The following RBMS3 variants were observed in gnomAD, a reference collection of about 807,000 sequenced individuals.
The protein encoded by RBMS3 is RNA binding motif single stranded interacting protein 3, also known as RNA-binding motif, single-stranded-interacting protein 3.
Under a neutral mutation model 66.8 loss-of-function variants are expected in RBMS3, and 27 were observed. The ratio of observed to expected loss-of-function variants is 0.40; its 90% CI spans 0.30 to 0.56. RBMS3 has a LOEUF of 0.56. Among genes scored for constraint, RBMS3 ranks in the 20% least tolerant of loss-of-function variants. The pLI is 0.40. For synonymous variants in RBMS3, 188 were observed against 183.0 expected (o/e 1.03, Z -0.22); for missense variants, 513 against 549.5 (o/e 0.93, Z 0.66).
intron 3 of RBMS3, among the ~76,000 whole-genome samples, chr3:29,525,951 T>C (rs1287077422): frequency 6.6e-6 from 1 of 152,180 alleles, no homozygotes; most frequent in East Asian, 1.9e-4. Flanking sequence ...GTTTAGCCAT[T>C]TTATCAATGA....
At chr3:29,593,744 C>T (rs1448262911) in intron 4 of RBMS3, among the ~76,000 whole-genome samples, 1 of 152,194 alleles carries the variant, frequency 6.6e-6, no homozygotes, top group Admixed American at 6.6e-5. Flanking sequence ...TTTCGCAACA[C>T]ATTTATGTTG....
intron 1 of RBMS3, among the ~76,000 whole-genome samples, chr3:29,417,464 G>T (rs1335342919): frequency 3.3e-5 from 5 of 151,816 alleles, no homozygotes; most frequent in African/African-American, 1.2e-4. Flanking sequence ...TTTACCTTCA[G>T]TTAGCTCTCC....
chr3:29,952,449 T>C (rs976288138), intron 12 of RBMS3, among the ~76,000 whole-genome samples: 56 of 151,996 alleles, frequency 3.7e-4, no homozygotes, highest in African/African-American at 1.3e-3. Context: ...CCAGTTTATA[T>C]TATGTGAGAC....
chr3:29,658,957 G>C (rs989711378), intron 4 of RBMS3, among the ~76,000 whole-genome samples: 1 of 152,086 alleles, frequency 6.6e-6, no homozygotes, highest in African/African-American at 2.4e-5. Context: ...CGAGTAGCTG[G>C]GACTACAGGC....
intron 1 of RBMS3, among the ~76,000 whole-genome samples, chr3:29,389,187 G>A (rs542907208): frequency 5.9e-5 from 9 of 151,988 alleles, no homozygotes; most frequent in Non-Finnish European, 1.3e-4. Flanking sequence ...TGATTGCCCA[G>A]GTATATCTCT....
chr3:29,578,992 G>A (rs1354340904), intron 3 of RBMS3, among the ~76,000 whole-genome samples: 11 of 139,202 alleles, frequency 7.9e-5, no homozygotes, highest in Non-Finnish European at 1.5e-4. Flanking sequence ...TAGTAGAGAC[G>A]GGGTTTCACC....
intron 4 of RBMS3, among the ~76,000 whole-genome samples, chr3:29,625,107 T>A (rs1025241668): frequency 6.6e-6 from 1 of 152,186 alleles, no homozygotes; most frequent in Admixed American, 6.5e-5. Flanking sequence ...ACATAAGACA[T>A]GCCTTGCTTC....
At chr3:29,577,703 G>C (rs1585193) in intron 3 of RBMS3, among the ~76,000 whole-genome samples, 2,672 of 152,266 alleles carry the variant, frequency 0.018, 74 homozygotes, top group African/African-American at 0.06. Context: ...GGGCAGCACT[G>C]AGTTTAATGT....
intron 2 of RBMS3, among the ~76,000 whole-genome samples, chr3:29,439,672 C>T (rs1404816314): frequency 2.0e-5 from 3 of 151,766 alleles, no homozygotes; most frequent in Non-Finnish European, 4.4e-5. Context: ...GTTAGTTACA[C>T]ATGCATACAT....
intron 8 of RBMS3, among the ~76,000 whole-genome samples, chr3:29,892,650 A>G (rs902815775): frequency 2.6e-5 from 4 of 151,370 alleles, no homozygotes; most frequent in African/African-American, 9.7e-5. Flanking sequence ...TTGTTAAGCA[A>G]CTCATTCCCA....
chr3:29,732,399 A>G (rs929363780), intron 4 of RBMS3, among the ~76,000 whole-genome samples: 1 of 152,208 alleles, frequency 6.6e-6, no homozygotes, highest in Non-Finnish European at 1.5e-5. Context: ...TCTGTTTCAC[A>G]CAGTGTATCA....
intron 7 of RBMS3, among the ~76,000 whole-genome samples, chr3:29,873,366 C>T (rs776365831): frequency 2.6e-5 from 4 of 152,206 alleles, no homozygotes; most frequent in Admixed American, 2.0e-4. Context: ...AATGGGATTG[C>T]CTTCCTGATT....
intron 4 of RBMS3, among the ~76,000 whole-genome samples, chr3:29,658,617 C>G (rs2050411627): frequency 6.6e-6 from 1 of 152,058 alleles, no homozygotes; most frequent in African/African-American, 2.4e-5. Flanking sequence ...CGTAAGTAAG[C>G]AAAAGATGCT....
intron 6 of RBMS3, among the ~76,000 whole-genome samples, chr3:29,779,088 A>G (rs1346553100): frequency 6.6e-6 from 1 of 151,856 alleles, no homozygotes; most frequent in Non-Finnish European, 1.5e-5. Flanking sequence ...TTCAACACTC[A>G]TTCTAATTTT....
intron 3 of RBMS3, among the ~76,000 whole-genome samples, chr3:29,490,518 G>T (rs1342798641): frequency 6.6e-6 from 1 of 152,116 alleles, no homozygotes; most frequent in Non-Finnish European, 1.5e-5. Flanking sequence ...AAGTCCAGAA[G>T]TAGTAGTAGT....
chr3:29,489,573 C>T lies in RBMS3; in HGVS notation c.307+1074C>T, dbSNP rs545791484. ...CTTAATATATGTGAGGGTGTAACAG[C>T]GGTATCTAAAACAGAATTATCGACA... On this transcript the variant is annotated intron_variant, in intron 3 of 14. Transcript: ENST00000383767. Among the ~76,000 whole-genome samples the T allele has an allele frequency of 2.5e-4, 38 of 150,972 alleles. No individual in the cohort carries two copies. In the South Asian group the frequency reaches 6.4e-3, roughly 26 times the overall value.
chr3:29,638,912 A>G (rs761343646), intron 4 of RBMS3, among the ~76,000 whole-genome samples: 4 of 151,866 alleles, frequency 2.6e-5, no homozygotes, highest in Non-Finnish European at 4.4e-5. Context: ...GTAAATTAAG[A>G]CTACATTTTT....
intron 4 of RBMS3, among the ~76,000 whole-genome samples, chr3:29,621,082 C>G (rs1373784153): frequency 6.6e-6 from 1 of 151,916 alleles, no homozygotes; most frequent in Non-Finnish European, 1.5e-5. Flanking sequence ...ACATGCAGGC[C>G]CATGTCAGAA....
intron 4 of RBMS3, among the ~76,000 whole-genome samples, chr3:29,683,477 G>A (rs2051583261): frequency 1.3e-5 from 2 of 152,088 alleles, no homozygotes; most frequent in Non-Finnish European, 2.9e-5. Flanking sequence ...CTCAGATGAA[G>A]GCAAAGAGAA....
Sources: gnomAD v4.1 joint callset for allele counts (sites outside exome capture counted in the v4.1 genomes callset) on GRCh38, gnomAD v4.1.1 for gene constraint, MANE v1.5 for transcripts, NCBI Gene and HGNC (gene_info 2026-07-23, HGNC 2026-07-21) for gene names.